The following ANKS1A variants were observed in gnomAD, a reference collection of about 807,000 sequenced individuals.
The protein encoded by ANKS1A is ankyrin repeat and SAM domain-containing protein 1A.
In ANKS1A, 55 loss-of-function variants were observed where a neutral mutation model predicts 120.3. The ratio of observed to expected loss-of-function variants is 0.46; its 90% CI spans 0.37 to 0.57. ANKS1A has a LOEUF of 0.57. Ranked by LOEUF, ANKS1A falls within the 20% of genes least tolerant of loss-of-function variation. The pLI, the probability that ANKS1A is intolerant of heterozygous loss-of-function variation, is 0.00. For synonymous variants in ANKS1A, 590 were observed against 604.7 expected, an observed-to-expected ratio of 0.98 and a Z score of 0.36; for missense variants, 1,123 against 1,480.3, an observed-to-expected ratio of 0.76 and a Z score of 3.96.
rs748728435 is a variant in ANKS1A at position 35,057,766 on chromosome 6, C to T, written c.2078-2381C>T. Among the ~76,000 whole-genome samples the T allele has an allele frequency of 3.3e-5, 5 of 152,220 alleles. No homozygotes were observed. The highest frequency in any genetic ancestry group is 5.9e-5 in the Non-Finnish European group (4 of 68,052). On this transcript the variant is annotated intron_variant, in intron 12 of 23. Transcript: ENST00000360359. This position sits in a 1 kb window ranked among gnomAD's most constrained non-coding sequence, Gnocchi z 4.1. Reference sequence around the variant, plus strand: ...CTCACCTAAGGAACATCAAGTGTAACGGCCTTATTTCATTGCCTGTTTTTA... The same window carrying T: ...CTCACCTAAGGAACATCAAGTGTAATGGCCTTATTTCATTGCCTGTTTTTA...
chr6:35,039,192 C>CTTTTTTTTTTTTTT (rs35565672), intron 11 of ANKS1A, among the ~76,000 whole-genome samples: 1 of 83,788 alleles, frequency 1.2e-5, no homozygotes, highest in Non-Finnish European at 2.1e-5. Context: ...CTCCCTCATA[C>CTTTTTTTTTTTTTT]TTTTTTTTTT....
Position 35,089,021 on chromosome 6 carries a change from GC to G in ANKS1A, c.*414del. 1.8e-6 allele frequency: 2 copies of G among 1,130,632 alleles called. No homozygotes were observed. The highest frequency in any genetic ancestry group is 4.9e-5 in the South Asian group (2 of 40,424). The allele number at this position is 1,130,632 out of a possible 1,614,324, so 70.0% of individuals were successfully genotyped here. ...GTTGGTTCAGAGGCCAGCCTGCATA[GC>G]CTCTGTCCTCAGGACGGAACTTGGG... On this transcript the variant is annotated 3_prime_UTR_variant, in exon 24 of 24. Transcript: ENST00000360359.
intron 1 of ANKS1A, among the ~76,000 whole-genome samples, chr6:34,963,431 TG>T (rs1378008791): frequency 6.6e-6 from 1 of 152,230 alleles, no homozygotes; most frequent in Non-Finnish European, 1.5e-5. Context: ...GGTTGATAAA[TG>T]TTATTACAAA....
In ANKS1A at chr6:35,050,046, G is replaced by A. The variant is rs759070109; in HGVS notation, c.2011-4053G>A. Among the ~76,000 whole-genome samples, 1 of 152,136 alleles carries A rather than the reference G, an allele frequency of 6.6e-6. No individual in the cohort carries two copies. The highest frequency in any genetic ancestry group is 6.5e-5 in the Admixed American group (1 of 15,272). ...GGGGATGGAGACCTCTCCATACAGA[G>A]CTCCACCTCCCATCCCCACCCCGTG... On this transcript the variant is annotated intron_variant, in intron 11 of 23. Transcript: ENST00000360359. This position sits in a 1 kb window ranked among gnomAD's most constrained non-coding sequence, Gnocchi z 4.3.
chr6:34,985,072 C>T lies in ANKS1A; in HGVS notation c.1013-10C>T. On this transcript the variant is annotated splice_polypyrimidine_tract_variant and intron_variant, in intron 7 of 23. Coordinates refer to ENST00000360359, the MANE Select transcript of ANKS1A (RefSeq NM_015245.3). ...TTCAGTGACTCTCTTGCCCTCCATC[C>T]TCCTCTCAGGTGACGTGGAGAAAGC... The T allele has an allele frequency of 1.2e-6, 2 of 1,608,944 alleles. No individual in the cohort carries two copies. Among genetic ancestry groups the T allele is most frequent in the Non-Finnish European group, 1.7e-6 (2 of 1,176,884 alleles).
At chr6:35,054,315 T>C in intron 12 of ANKS1A, 150 bp downstream of exon 12, 1 of 639,078 alleles carries the variant, frequency 1.6e-6, no homozygotes, top group Non-Finnish European at 2.7e-6. Flanking sequence ...CAGTCTCCAA[T>C]ACCTAGACAG....
intron 11 of ANKS1A, among the ~76,000 whole-genome samples, chr6:35,049,694 C>G (rs768633122): frequency 1.3e-5 from 2 of 152,194 alleles, no homozygotes; most frequent in African/African-American, 4.8e-5. Flanking sequence ...AAACTTCTCT[C>G]GTGCTCCCAT....
chr6:34,909,249 A>G (rs185891744), intron 1 of ANKS1A, among the ~76,000 whole-genome samples: 27 of 152,372 alleles, frequency 1.8e-4, no homozygotes, highest in Admixed American at 1.8e-3. Flanking sequence ...ACATTCCCAG[A>G]CTTAAATAAA....
intron 13 of ANKS1A, among the ~76,000 whole-genome samples, chr6:35,065,973 G>A (rs1454119598): frequency 6.6e-6 from 1 of 152,162 alleles, no homozygotes; most frequent in Non-Finnish European, 1.5e-5. Flanking sequence ...AACTGGATGG[G>A]GGAAGCTCAG....
chr6:35,038,265 G>A (rs1225463204), intron 11 of ANKS1A: 3 of 456,546 alleles, frequency 6.6e-6, no homozygotes, highest in African/African-American at 4.0e-5. Context: ...TTGTGGGTGG[G>A]TCCGCTGGCA....
chr6:35,071,125 A>G, intron 13 of ANKS1A: 1 of 309,836 alleles, frequency 3.2e-6, no homozygotes, highest in Non-Finnish European at 6.1e-6. Context: ...AAATCTTTGA[A>G]TCCACTTGTG....
chr6:34,970,205 A>G (rs371445417), intron 3 of ANKS1A, 39 bp downstream of exon 3: 2 of 1,585,452 alleles, frequency 1.3e-6, no homozygotes. Context: ...CCATTCAGCT[A>G]TAGCCAGATG....
At chr6:34,975,998 C>T (rs1296947776) in intron 3 of ANKS1A, among the ~76,000 whole-genome samples, 1 of 151,382 alleles carries the variant, frequency 6.6e-6, no homozygotes, top group Admixed American at 6.6e-5. Flanking sequence ...ATTAGCTAGG[C>T]GTGCTGGTGC....
At position 34,985,072 on chromosome 6, in the gene ANKS1A, C is replaced by A. The variant is rs771662267; in HGVS notation, c.1013-10C>A. On this transcript the variant is annotated splice_polypyrimidine_tract_variant and intron_variant, in intron 7 of 23. Transcript: ENST00000360359. ...TTCAGTGACTCTCTTGCCCTCCATC[C>A]TCCTCTCAGGTGACGTGGAGAAAGC... 20 of 1,608,826 alleles carry A rather than the reference C, an allele frequency of 1.2e-5. No homozygotes were observed. The highest frequency in any genetic ancestry group is 1.7e-5 in the Admixed American group (1 of 59,754).
chr6:34,909,819 CAAAG>C (rs1236087090), intron 1 of ANKS1A, among the ~76,000 whole-genome samples: 3 of 152,102 alleles, frequency 2.0e-5, no homozygotes, highest in Admixed American at 1.3e-4. Flanking sequence ...GTTGTACAGA[CAAAG>C]AAGGGGAAAA....
intron 3 of ANKS1A, among the ~76,000 whole-genome samples, chr6:34,976,060 C>G (rs1771558323): frequency 6.8e-6 from 1 of 147,764 alleles, no homozygotes; most frequent in Non-Finnish European, 1.5e-5. Context: ...ATCACTTGAA[C>G]CCGAGAGGCA....
At chr6:34,913,848 G>A (rs1768023001) in intron 1 of ANKS1A, among the ~76,000 whole-genome samples, 1 of 152,030 alleles carries the variant, frequency 6.6e-6, no homozygotes, top group Non-Finnish European at 1.5e-5. Context: ...GGCCACACTG[G>A]AAGTGATCTG....
intron 2 of ANKS1A, among the ~76,000 whole-genome samples, 177 bp from the exon 3 acceptor site, chr6:34,969,833 G>C (rs1771091276): frequency 6.6e-6 from 1 of 152,218 alleles, no homozygotes; most frequent in African/African-American, 2.4e-5. Context: ...CTGCATATCA[G>C]CAGCTGTACA....
Position 34,937,404 on chromosome 6 carries a change from T to A in ANKS1A, c.198-29835T>A, listed in dbSNP as rs147788415. ...AGGGCCCTTGTATGATTATTTTACT[T>A]CTCTAAGACTGTTTCCTCATCTGGT... On this transcript the variant is annotated intron_variant, in intron 1 of 23. Coordinates refer to ENST00000360359, the MANE Select transcript of ANKS1A (RefSeq NM_015245.3). Among the ~76,000 whole-genome samples, 486 of 152,220 alleles carry A rather than the reference T, an allele frequency of 3.2e-3. 10 individuals carry two copies. Among genetic ancestry groups the A allele is most frequent in the Middle Eastern group, 0.02 (6 of 294 alleles).
Sources: allele counts gnomAD v4.1 joint callset (sites outside exome capture counted in the v4.1 genomes callset), GRCh38; gene constraint gnomAD v4.1.1; non-coding constraint Gnocchi (gnomAD v3.1); transcripts MANE v1.5; gene names NCBI Gene and HGNC (gene_info 2026-07-23, HGNC 2026-07-21).